Variants in MAPRE2 observed in about 807,000 individuals in gnomAD.
MAPRE2 encodes the protein microtubule-associated protein RP/EB family member 2.
MAPRE2 carries 13 observed loss-of-function variants against 43.2 expected under a neutral mutation model. The ratio of observed to expected loss-of-function variants is 0.30; its 90% CI spans 0.20 to 0.48. The LOEUF is 0.48. MAPRE2 is among the 20% of genes least tolerant of loss of function. MAPRE2 has a pLI of 0.99. For missense variants in MAPRE2, 161 were observed against 400.2 expected, an observed-to-expected ratio of 0.40 and a Z score of 5.10; for synonymous variants, 135 against 148.8, an observed-to-expected ratio of 0.91 and a Z score of 0.68.
chr18:35,021,870 A>C (rs573748721), intron 2 of MAPRE2, among the ~76,000 whole-genome samples: 55 of 152,286 alleles, frequency 3.6e-4, no homozygotes, highest in Admixed American at 2.6e-3. Context: ...GTTGACCACG[A>C]TGAATTTAAA....
intron 2 of MAPRE2, among the ~76,000 whole-genome samples, chr18:35,075,028 A>G (rs1181707918): frequency 1.3e-5 from 2 of 152,214 alleles, no homozygotes; most frequent in African/African-American, 4.8e-5. Context: ...TTCAGTTTCA[A>G]TTTGTGCTTC....
chr18:35,006,464 C>A (rs1396518940), intron 2 of MAPRE2, among the ~76,000 whole-genome samples: 1 of 152,180 alleles, frequency 6.6e-6, no homozygotes, highest in Non-Finnish European at 1.5e-5. Flanking sequence ...CTATTAAAAG[C>A]TCAAATCATG....
chr18:35,091,983 A>C (rs1441824621), intron 2 of MAPRE2, among the ~76,000 whole-genome samples: 1 of 152,244 alleles, frequency 6.6e-6, no homozygotes, highest in Non-Finnish European at 1.5e-5. Context: ...GCAGAAGGCC[A>C]AGGGAAAGCA....
chr18:35,055,537 C>CTGTGTGTGTGTGTGTGTGTGTGTGTGTG (rs34194364), intron 1 of MAPRE2, among the ~76,000 whole-genome samples: 13 of 146,666 alleles, frequency 8.9e-5, no homozygotes, highest in South Asian at 4.3e-4. Flanking sequence ...ATTCAGTTCT[C>CTGTGTGTGTGTGTGTGTGTGTGTGTGTG]TGTGTGTGTG....
In MAPRE2 at chr18:35,142,035, TAGAC is replaced by T. The variant is rs1449391440; in HGVS notation, c.*1670_*1673del. The T allele has an allele frequency of 9.2e-5, 14 of 152,364 alleles. No homozygotes were observed. Among genetic ancestry groups the T allele is most frequent in the African/African-American group, 3.4e-4 (14 of 41,586 alleles). 9.4% of individuals were successfully genotyped at this position (152,364 alleles called of 1,614,324 possible). On this transcript the variant is annotated 3_prime_UTR_variant, in exon 7 of 7. Transcript: ENST00000300249. ...ATTATTACAACACACTGTGCAGAAT[TAGAC>T]AGATGTTCCGTGGTGTTTGGTTTCC...
chr18:35,041,944 C>G (rs950130434), intron 1 of MAPRE2, among the ~76,000 whole-genome samples: 1 of 152,192 alleles, frequency 6.6e-6, no homozygotes, highest in African/African-American at 2.4e-5. Context: ...TGCTGTTTTC[C>G]CCCGCTGTCC....
chr18:35,105,495 A>G (rs892880946), intron 4 of MAPRE2, among the ~76,000 whole-genome samples: 1 of 152,038 alleles, frequency 6.6e-6, no homozygotes, highest in African/African-American at 2.4e-5. Context: ...ATGCATTAAG[A>G]CCTCATTTTT....
chr18:35,001,050 C>T (rs2097029065), intron 1 of MAPRE2, among the ~76,000 whole-genome samples: 1 of 152,120 alleles, frequency 6.6e-6, no homozygotes. Context: ...TGTGATTGTG[C>T]CTGTGAATAG....
At chr18:35,062,962 A>G (rs930264409) in intron 1 of MAPRE2, among the ~76,000 whole-genome samples, 1 of 152,178 alleles carries the variant, frequency 6.6e-6, no homozygotes, top group African/African-American at 2.4e-5. Context: ...TTCCCCAGTG[A>G]TGGGAGAACA....
intron 2 of MAPRE2, among the ~76,000 whole-genome samples, chr18:35,007,328 A>G (rs1041941463): frequency 6.6e-6 from 1 of 152,238 alleles, no homozygotes; most frequent in African/African-American, 2.4e-5. Context: ...TGATCATCCT[A>G]TCTTCCAGGC....
chr18:34,983,111 T>C (rs1457831990), intron 1 of MAPRE2, among the ~76,000 whole-genome samples: 1 of 152,218 alleles, frequency 6.6e-6, no homozygotes, highest in East Asian at 1.9e-4. Context: ...ACTTCAAATT[T>C]TAAATAAAAA....
intron 2 of MAPRE2, among the ~76,000 whole-genome samples, chr18:35,009,145 A>G (rs571349659): frequency 5.3e-5 from 8 of 152,150 alleles, no homozygotes; most frequent in Non-Finnish European, 1.2e-4. Flanking sequence ...TAGTAAGAAA[A>G]TAAGATGCAC....
intron 2 of MAPRE2, among the ~76,000 whole-genome samples, chr18:35,010,305 C>T (rs1458070080): frequency 6.6e-6 from 1 of 152,178 alleles, no homozygotes; most frequent in African/African-American, 2.4e-5. Context: ...ATTCAGGAGG[C>T]TGAAGCAGGC....
At chr18:34,995,345 A>G (rs1438698236) in intron 1 of MAPRE2, among the ~76,000 whole-genome samples, 4 of 152,176 alleles carry the variant, frequency 2.6e-5, no homozygotes, top group Non-Finnish European at 5.9e-5. Flanking sequence ...CCTATCTCTC[A>G]AGCACACTGG....
chr18:35,142,705 G>C lies in MAPRE2; in HGVS notation c.*2336G>C, dbSNP rs1910712070. ...TCTTCTGTTGTGCTGCACCCCAGATGGTGTCTCAGATGCTTTGGGGAATCT... is the reference window on the plus strand; with the variant it reads ...TCTTCTGTTGTGCTGCACCCCAGATCGTGTCTCAGATGCTTTGGGGAATCT... On this transcript the variant is annotated 3_prime_UTR_variant, in exon 7 of 7. Transcript: ENST00000300249. 6.6e-6 allele frequency: 1 copy of C among 152,178 alleles called. No individual in the cohort carries two copies. Among genetic ancestry groups the C allele is most frequent in the South Asian group, 2.1e-4 (1 of 4,818 alleles). The allele number at this position is 152,178 out of a possible 1,614,324, so 9.4% of individuals were successfully genotyped here.
At chr18:35,026,472 T>C (rs1340536348) in intron 2 of MAPRE2, among the ~76,000 whole-genome samples, 1 of 152,220 alleles carries the variant, frequency 6.6e-6, no homozygotes. Context: ...CTCACATTTT[T>C]ACAAGGTGCT....
chr18:35,056,911 G>A (rs896158368), intron 1 of MAPRE2, among the ~76,000 whole-genome samples: 3 of 152,276 alleles, frequency 2.0e-5, no homozygotes, highest in Non-Finnish European at 2.9e-5. Flanking sequence ...ATAGCATAGC[G>A]CTGCAGAATC....
At chr18:35,050,728 T>G (rs1905895910) in intron 1 of MAPRE2, among the ~76,000 whole-genome samples, 1 of 152,160 alleles carries the variant, frequency 6.6e-6, no homozygotes, top group Admixed American at 6.5e-5. Flanking sequence ...TCCTCTGTCC[T>G]CCTCCAACTC....
intron 2 of MAPRE2, among the ~76,000 whole-genome samples, chr18:35,007,573 A>G (rs753199696): frequency 1.3e-5 from 2 of 152,248 alleles, no homozygotes; most frequent in Non-Finnish European, 2.9e-5. Context: ...CAGTAAAGCT[A>G]TTTACAAAAA....
Sources: gnomAD v4.1 joint callset for allele counts (sites outside exome capture counted in the v4.1 genomes callset) on GRCh38, gnomAD v4.1.1 for gene constraint, MANE v1.5 for transcripts, NCBI Gene and HGNC (gene_info 2026-07-23, HGNC 2026-07-21) for gene names.